The following PHACTR4 variants were observed in gnomAD, a reference collection of about 807,000 sequenced individuals.
The protein encoded by PHACTR4 is phosphatase and actin regulator 4.
Under a neutral mutation model 72.7 loss-of-function variants are expected in PHACTR4, and 51 were observed. That is an observed-to-expected ratio of 0.70 (90% CI 0.56 to 0.89). The LOEUF (loss-of-function observed/expected upper bound fraction) is 0.89, where lower values mean the gene tolerates loss of function less well. Ranked by LOEUF, PHACTR4 falls within the 40% of genes least tolerant of loss-of-function variation. The pLI is 0.00. For synonymous variants in PHACTR4, 255 were observed against 302.5 expected, an observed-to-expected ratio of 0.84 and a Z score of 1.63; for missense variants, 731 against 861.8, an observed-to-expected ratio of 0.85 and a Z score of 1.90.
intron 2 of PHACTR4, among the ~76,000 whole-genome samples, chr1:28,432,317 C>T (rs995337033): frequency 6.6e-6 from 1 of 151,516 alleles, no homozygotes; most frequent in Non-Finnish European, 1.5e-5. Context: ...TGCAGTGGCT[C>T]ATGCCTATAA....
At chr1:28,399,531 A>G (rs528369704) in intron 1 of PHACTR4, among the ~76,000 whole-genome samples, 14 of 152,226 alleles carry the variant, frequency 9.2e-5, no homozygotes, top group African/African-American at 3.4e-4. Flanking sequence ...TTCCATTTCT[A>G]TTAATTTCTT....
At position 28,493,031 on chromosome 1, in the gene PHACTR4, A is replaced by T; in HGVS notation, c.2033A>T (p.Glu678Val). Residue 678 changes from glutamate to valine, a missense_variant, in exon 13 of 14, where the codon GAA becomes GTA. By Grantham distance (121) the Glu-to-Val change is moderately radical. Transcript: ENST00000373839. Reference protein sequence around the residue: ...TPADKAAIRKELNEFKSSEME... With the variant: ...TPADKAAIRKVLNEFKSSEME... ...ACTCCACAGGCTGCCATAAGAAAAG[A>T]ATTAAATGAATTTAAAAGCTCCGAG... 6.2e-7 allele frequency: 1 copy of T among 1,613,172 alleles called. No homozygotes were observed.
intron 7 of PHACTR4, among the ~76,000 whole-genome samples, chr1:28,474,561 G>A (rs187589642): frequency 6.8e-4 from 103 of 150,370 alleles, no homozygotes; most frequent in African/African-American, 2.3e-3. Flanking sequence ...TTTTTTTTCC[G>A]AGATGGAGTC....
chr1:28,477,163 G>A (rs933814369), intron 8 of PHACTR4, among the ~76,000 whole-genome samples: 20 of 134,112 alleles, frequency 1.5e-4, no homozygotes, highest in African/African-American at 5.1e-4. Flanking sequence ...TCAACTCACT[G>A]CAACCTCCAC....
chr1:28,390,903 T>G (rs909498567), intron 1 of PHACTR4, among the ~76,000 whole-genome samples: 1 of 151,974 alleles, frequency 6.6e-6, no homozygotes, highest in Non-Finnish European at 1.5e-5. Flanking sequence ...GAGACCAGCC[T>G]GGGCAACATG....
intron 1 of PHACTR4, among the ~76,000 whole-genome samples, chr1:28,390,837 T>C (rs1049515762): frequency 6.6e-6 from 1 of 151,640 alleles, no homozygotes; most frequent in Non-Finnish European, 1.5e-5. Flanking sequence ...GGTTCAAGCC[T>C]GTAACACAGC....
At chr1:28,443,020 T>C (rs967059078) in intron 2 of PHACTR4, among the ~76,000 whole-genome samples, 1 of 152,056 alleles carries the variant, frequency 6.6e-6, no homozygotes, top group African/African-American at 2.4e-5. Context: ...ACTAGAACTT[T>C]TTCCTCTTAT....
chr1:28,479,228 C>T (rs895671025), intron 8 of PHACTR4, among the ~76,000 whole-genome samples: 1 of 151,456 alleles, frequency 6.6e-6, no homozygotes, highest in African/African-American at 2.4e-5. Flanking sequence ...CGAGATCAGC[C>T]TGGCCAATGT....
chr1:28,443,388 T>C (rs1294637081), intron 2 of PHACTR4, among the ~76,000 whole-genome samples: 3 of 151,708 alleles, frequency 2.0e-5, no homozygotes, highest in Non-Finnish European at 4.4e-5. Flanking sequence ...TTCAAGCAAT[T>C]CTCCTGCCTC....
chr1:28,475,061 C>T (rs571822366), intron 7 of PHACTR4, among the ~76,000 whole-genome samples: 10 of 151,160 alleles, frequency 6.6e-5, no homozygotes, highest in African/African-American at 2.4e-4. Context: ...GCAATTCTCC[C>T]TCCTCAGCCT....
At chr1:28,414,106 TG>T (rs1230703890) in intron 2 of PHACTR4, among the ~76,000 whole-genome samples, 1 of 152,080 alleles carries the variant, frequency 6.6e-6, no homozygotes, top group African/African-American at 2.4e-5. Flanking sequence ...GATGGAGTCT[TG>T]CTCTGTCACC....
At chr1:28,450,797 T>G (rs1657890413) in intron 2 of PHACTR4, among the ~76,000 whole-genome samples, 1 of 149,136 alleles carries the variant, frequency 6.7e-6, no homozygotes, top group South Asian at 2.1e-4. Flanking sequence ...TTGTTGTGTG[T>G]GTGTGTGTGG....
intron 2 of PHACTR4, among the ~76,000 whole-genome samples, chr1:28,410,957 G>A (rs533309005): frequency 6.0e-5 from 9 of 148,876 alleles, no homozygotes; most frequent in Admixed American, 2.7e-4. Flanking sequence ...TCCACCCGCC[G>A]TGGCCTCCCA....
At chr1:28,484,569 G>A (rs780965701) in intron 9 of PHACTR4, among the ~76,000 whole-genome samples, 2 of 151,130 alleles carry the variant, frequency 1.3e-5, no homozygotes, top group Non-Finnish European at 2.9e-5. Flanking sequence ...ATATATATGT[G>A]TGTATGTAAT....
At chr1:28,488,269 A>G (rs1002402525) in intron 9 of PHACTR4, among the ~76,000 whole-genome samples, 2 of 151,886 alleles carry the variant, frequency 1.3e-5, no homozygotes, top group African/African-American at 2.4e-5. Context: ...AGGCCGAGGC[A>G]GGCGGATCAC....
intron 1 of PHACTR4, among the ~76,000 whole-genome samples, chr1:28,400,919 T>C (rs925226488): frequency 1.3e-5 from 2 of 152,110 alleles, no homozygotes; most frequent in African/African-American, 4.8e-5. Flanking sequence ...ATGGGAAATA[T>C]GTGATAGTGG....
chr1:28,468,482 C>T (rs1207473712), intron 6 of PHACTR4, among the ~76,000 whole-genome samples: 1 of 152,126 alleles, frequency 6.6e-6, no homozygotes, highest in Non-Finnish European at 1.5e-5. Context: ...ATCCCAGCTA[C>T]TCGGGAGGCT....
chr1:28,431,039 C>T (rs1436703266), intron 2 of PHACTR4, among the ~76,000 whole-genome samples: 7 of 150,958 alleles, frequency 4.6e-5, no homozygotes, highest in Non-Finnish European at 4.4e-5. Flanking sequence ...ATTAGCCAGG[C>T]GTGGTGGCAG....
chr1:28,388,058 A>T (rs568897102), intron 1 of PHACTR4, among the ~76,000 whole-genome samples: 1 of 152,008 alleles, frequency 6.6e-6, no homozygotes, highest in Admixed American at 6.6e-5. Context: ...AAGTATGGCA[A>T]CGTGGGCCTG....
Sources: allele counts gnomAD v4.1 joint callset (sites outside exome capture counted in the v4.1 genomes callset), GRCh38; gene constraint gnomAD v4.1.1; transcripts MANE v1.5; gene names NCBI Gene and HGNC (gene_info 2026-07-23, HGNC 2026-07-21).